The following MTOR variants were observed in gnomAD, a reference collection of about 807,000 sequenced individuals.
The protein encoded by MTOR is serine/threonine-protein kinase mTOR.
Under a neutral mutation model 319.8 loss-of-function variants are expected in MTOR, and 70 were observed. The ratio of observed to expected loss-of-function variants is 0.22; its 90% CI spans 0.18 to 0.27. The LOEUF is 0.27. Ranked by LOEUF, MTOR falls within the 10% of genes least tolerant of loss-of-function variation. The pLI is 1.00. For synonymous variants in MTOR, 1,183 were observed against 1,211.4 expected (o/e 0.98, Z 0.49); for missense variants, 1,890 against 3,274.4 (o/e 0.58, Z 10.32).
rs1642030534 is a variant in MTOR at position 11,114,021 on chromosome 1, C to T, written c.7300+297G>A. Among the ~76,000 whole-genome samples, 4 of 152,156 alleles carry T rather than the reference C, an allele frequency of 2.6e-5. No individual in the cohort carries two copies. In the South Asian group the frequency reaches 8.3e-4, roughly 31 times the overall value. ...CAAGTGAAGAAGGAAGTGTTTGCTT[C>T]CCCTCCCACCATGATTGTAAGTTTC... is the stretch of plus-strand genomic sequence containing the variant. On this transcript the variant is annotated intron_variant, in intron 53 of 57. Coordinates refer to ENST00000361445, the MANE Select transcript of MTOR (RefSeq NM_004958.4).
Position 11,128,842 on chromosome 1 carries a change from C to A in MTOR, c.5811+13G>T. On this transcript the variant is annotated intron_variant, in intron 41 of 57. Coordinates refer to ENST00000361445, the MANE Select transcript of MTOR (RefSeq NM_004958.4). The surrounding 1 kb of genome is among the most constrained non-coding windows in gnomAD (Gnocchi z 5.3). The stretch of plus-strand genomic sequence containing the variant: ...ACTTGGAGCCACCTTCACCTGTAAC[C>A]AAGTATCCTCACCTGTAGCCAGGTA... The A allele has an allele frequency of 6.2e-7, 1 of 1,608,874 alleles. No homozygotes were observed. Among genetic ancestry groups the A allele is most frequent in the South Asian group, 1.1e-5 (1 of 90,498 alleles).
chr1:11,162,880 C>T (rs1364485984), intron 29 of MTOR, among the ~76,000 whole-genome samples: 17 of 152,276 alleles, frequency 1.1e-4, no homozygotes, highest in South Asian at 1.0e-3. Flanking sequence ...CATCAACTAA[C>T]GAGCAAAATA....
chr1:11,227,325 A>T (rs1397649505), intron 19 of MTOR, among the ~76,000 whole-genome samples: 1 of 140,510 alleles, frequency 7.1e-6, no homozygotes, highest in Non-Finnish European at 1.6e-5. Context: ...AAAAAAAAAA[A>T]ATTCAATTAG....
At chr1:11,227,844 C>T (rs1646895682) in intron 19 of MTOR, among the ~76,000 whole-genome samples, 1 of 152,094 alleles carries the variant, frequency 6.6e-6, no homozygotes. Context: ...AGCTGAGGAA[C>T]AGGATAGCCA....
At chr1:11,205,715 T>C (rs1487440032) in intron 25 of MTOR, among the ~76,000 whole-genome samples, 2 of 152,240 alleles carry the variant, frequency 1.3e-5, no homozygotes, top group South Asian at 2.1e-4. Context: ...ATGATTGTTA[T>C]TATTGTCAAA....
At chr1:11,161,697 A>G (rs1320888802) in intron 29 of MTOR, among the ~76,000 whole-genome samples, 5 of 152,154 alleles carry the variant, frequency 3.3e-5, no homozygotes, top group African/African-American at 1.2e-4. Context: ...CCTCCAGCAA[A>G]CTCCAACAAA....
chr1:11,143,082 T>A (rs1015337349), intron 34 of MTOR, among the ~76,000 whole-genome samples: 7 of 152,286 alleles, frequency 4.6e-5, no homozygotes, highest in African/African-American at 1.7e-4. Flanking sequence ...CCATGAAGTG[T>A]GACAACAATG....
Position 11,133,092 on chromosome 1 carries a change from G to A in MTOR, c.5352C>T (p.Arg1784=), listed in dbSNP as rs1458034649. Residue 1784 remains arginine (R), a synonymous_variant, in exon 38 of 58, where the codon CGC becomes CGT. Coordinates refer to ENST00000361445, the MANE Select transcript of MTOR (RefSeq NM_004958.4). This position sits in a 1 kb window ranked among gnomAD's most constrained non-coding sequence, Gnocchi z 4.0. ...QYYSAATEHD[R]SWYKAWHAWA... ...TGCTTCTGATCACCTTGTACCAGCT[G>A]CGGTCGTGCTCTGTGGCGGCGCTGT... The A allele has an allele frequency of 3.1e-6, 5 of 1,613,998 alleles. No individual in the cohort carries two copies. In the Admixed American group the frequency reaches 8.3e-5, roughly 27 times the overall value.
intron 5 of MTOR, 81 bp downstream of exon 5, chr1:11,255,911 G>T: frequency 7.5e-7 from 1 of 1,336,354 alleles, no homozygotes; most frequent in Non-Finnish European, 1.0e-6. Flanking sequence ...CCATGGCAAG[G>T]GCTTGTGGCT....
intron 28 of MTOR, among the ~76,000 whole-genome samples, chr1:11,198,134 C>T (rs1327840481): frequency 6.6e-6 from 1 of 152,092 alleles, no homozygotes; most frequent in Non-Finnish European, 1.5e-5. Context: ...ACTTAGTTAC[C>T]GTATTTTCTA....
chr1:11,249,506 G>C (rs889072069), intron 6 of MTOR, among the ~76,000 whole-genome samples: 4 of 149,122 alleles, frequency 2.7e-5, no homozygotes, highest in African/African-American at 9.8e-5. Context: ...GTGGAGGGAA[G>C]GTCAGCAGAT....
chr1:11,109,912 T>C lies in MTOR; in HGVS notation c.7367-183A>G, dbSNP rs1641770723. On this transcript the variant is annotated intron_variant, in intron 54 of 57. Coordinates refer to ENST00000361445, the MANE Select transcript of MTOR (RefSeq NM_004958.4). The surrounding 1 kb of genome is among the most constrained non-coding windows in gnomAD (Gnocchi z 4.0). The stretch of plus-strand genomic sequence containing the variant: ...TTCAAAGTTTTAAGCTGGACATAGC[T>C]GTAATCTCAGCTACTCAAGAGGCTG... 6.6e-6 allele frequency among the ~76,000 whole-genome samples: 1 copy of C among 151,694 alleles called. No homozygotes were observed. Among genetic ancestry groups the C allele is most frequent in the Non-Finnish European group, 1.5e-5 (1 of 68,008 alleles).
At chr1:11,181,817 T>G (rs1262472078) in intron 28 of MTOR, among the ~76,000 whole-genome samples, 1 of 152,236 alleles carries the variant, frequency 6.6e-6, no homozygotes, top group Non-Finnish European at 1.5e-5. Flanking sequence ...GCATTTTGTC[T>G]TAGGCTTTAT....
intron 57 of MTOR, 76 bp downstream of exon 57, chr1:11,108,105 G>C: frequency 8.6e-7 from 1 of 1,169,244 alleles, no homozygotes; most frequent in Non-Finnish European, 1.3e-6. Context: ...ATCTCTTTTT[G>C]CTACTCTGGC....
intron 28 of MTOR, chr1:11,194,463 CTGGG>C: frequency 1.2e-6 from 2 of 1,613,882 alleles, no homozygotes; most frequent in Non-Finnish European, 1.7e-6. Flanking sequence ...CCTGACAGGA[CTGGG>C]AGGGCAACCT....
At chr1:11,187,331 G>A (rs1557818609) in intron 28 of MTOR, among the ~76,000 whole-genome samples, 3 of 151,550 alleles carry the variant, frequency 2.0e-5, no homozygotes, top group Non-Finnish European at 4.4e-5. Flanking sequence ...GGTGGGGGTG[G>A]GGAGATGGGG....
At chr1:11,172,157 T>C (rs1041305279) in intron 28 of MTOR, among the ~76,000 whole-genome samples, 2 of 150,916 alleles carry the variant, frequency 1.3e-5, no homozygotes, top group Non-Finnish European at 2.9e-5. Flanking sequence ...GGCAACAGGC[T>C]GGGCTCACTG....
intron 28 of MTOR, among the ~76,000 whole-genome samples, chr1:11,170,652 G>T (rs995639715): frequency 2.3e-4 from 34 of 151,004 alleles, no homozygotes; most frequent in African/African-American, 8.3e-4. Flanking sequence ...TGGGATGAAG[G>T]CCATCTTTAT....
chr1:11,112,947 A>G, intron 53 of MTOR, 30 bp from the exon 54 acceptor site: 2 of 1,594,944 alleles, frequency 1.3e-6, no homozygotes, highest in Non-Finnish European at 1.7e-6. Context: ...GTATTGAAAC[A>G]TGCTTCAAAT....
Sources: allele counts gnomAD v4.1 joint callset (sites outside exome capture counted in the v4.1 genomes callset), GRCh38; gene constraint gnomAD v4.1.1; non-coding constraint Gnocchi (gnomAD v3.1); transcripts MANE v1.5; gene names NCBI Gene and HGNC (gene_info 2026-07-23, HGNC 2026-07-21).